The following TAF1 variants were observed in gnomAD, a reference collection of about 807,000 sequenced individuals.
TAF1 encodes transcription initiation factor TFIID subunit 1.
Under a neutral mutation model 138.5 loss-of-function variants are expected in TAF1, and 2 were observed. The observed-to-expected ratio is 0.01, with a 90% confidence interval of 0.01 to 0.05. The LOEUF is 0.05. TAF1 is among the 10% of genes least tolerant of loss of function. The probability of loss-of-function intolerance (pLI) is 1.00; values close to 1 mark genes in which losing one functional copy is unlikely to be tolerated. For missense variants in TAF1, 709 were observed against 1,478.0 expected (o/e 0.48, Z 8.53); for synonymous variants, 437 against 503.2 (o/e 0.87, Z 1.76).
chrX:71,494,165 G>A (rs185234206), intron 13 of TAF1, among the ~76,000 whole-genome samples: 8 of 111,665 alleles, frequency 7.2e-5, no homozygotes, highest in African/African-American at 2.0e-4. Flanking sequence ...GCTCATGCCT[G>A]CAATCCCAGC....
Position 71,382,015 on chromosome X carries a change from G to C in TAF1, c.1537+96G>C, listed in dbSNP as rs755435480. On this transcript the variant is annotated intron_variant, in intron 9 of 37. Transcript: ENST00000423759. ...AAATCAGAAGGGTTGGAGATGATTAGGACTAGAAACCTGTAGGTAGCGGCT... is the reference window on the plus strand; with the variant it reads ...AAATCAGAAGGGTTGGAGATGATTACGACTAGAAACCTGTAGGTAGCGGCT... 1.4e-3 allele frequency: 1,386 copies of C among 993,731 alleles called. 1 individual carries two copies. The highest frequency in any genetic ancestry group is 1.7e-3 in the Non-Finnish European group (1,290 of 762,493). The allele number at this position is 993,731 out of a possible 1,213,427, so 81.9% of individuals were successfully genotyped here.
In TAF1 at chrX:71,392,729, G is replaced by GT; in HGVS notation, c.2931+14dup. The GT allele has an allele frequency of 8.4e-7, 1 of 1,190,974 alleles. No homozygotes were observed. The highest frequency in any genetic ancestry group is 1.1e-6 in the Non-Finnish European group (1 of 886,220). On this transcript the variant is annotated intron_variant, in intron 19 of 37. Transcript: ENST00000423759. ...CCAACACAGCAGAAGGTGAGATTGTGTTTATTTCTAGAATGAAAAAGTCAA... is the reference window on the plus strand; with the variant it reads ...CCAACACAGCAGAAGGTGAGATTGTGTTTTATTTCTAGAATGAAAAAGTCAA...
At chrX:71,524,701 G>A (rs1321604901) in intron 13 of TAF1, among the ~76,000 whole-genome samples, 1 of 109,212 alleles carries the variant, frequency 9.2e-6, no homozygotes, top group African/African-American at 3.3e-5. Context: ...CCAGCACTTT[G>A]GGAGGCCAAG....
intron 33 of TAF1, 49 bp from the exon 34 acceptor site, chrX:71,454,692 C>A: frequency 9.2e-7 from 1 of 1,088,619 alleles, no homozygotes; most frequent in South Asian, 2.0e-5. Flanking sequence ...TTTTGTATCC[C>A]CAGTACTTAA....
intron 32 of TAF1, among the ~76,000 whole-genome samples, chrX:71,444,837 C>A (rs1205896023): frequency 9.1e-6 from 1 of 110,372 alleles, no homozygotes; most frequent in African/African-American, 3.3e-5. Flanking sequence ...GAGTTCATGC[C>A]ATTCTCCTGC....
chrX:71,462,854 A>G (rs2038610285), intron 37 of TAF1, among the ~76,000 whole-genome samples: 1 of 111,828 alleles, frequency 8.9e-6, no homozygotes, highest in South Asian at 3.7e-4. Flanking sequence ...CATCTAGGAA[A>G]TTATTTTATG....
At chrX:71,454,370 T>C (rs1031019125) in intron 33 of TAF1, 133 bp downstream of exon 33, 12 of 535,621 alleles carry the variant, frequency 2.2e-5, no homozygotes, top group Middle Eastern at 1.1e-3. Flanking sequence ...TCGTCTGAGG[T>C]AGGAGAATCA....
chrX:71,474,233 C>T (rs925315658), intron 13 of TAF1, among the ~76,000 whole-genome samples: 3 of 111,504 alleles, frequency 2.7e-5, no homozygotes, highest in African/African-American at 6.5e-5. Flanking sequence ...TGGACTTGAT[C>T]GTGATTGACA....
At chrX:71,375,053 G>A in intron 3 of TAF1, 114 bp from the exon 4 acceptor site, 1 of 1,020,504 alleles carries the variant, frequency 9.8e-7, no homozygotes, top group Admixed American at 3.0e-5. Flanking sequence ...TCCAGCCTGG[G>A]CGACAGAGCA....
At chrX:71,463,267 G>C (rs766761567) in intron 37 of TAF1, among the ~76,000 whole-genome samples, 1 of 109,958 alleles carries the variant, frequency 9.1e-6, no homozygotes, top group Non-Finnish European at 1.9e-5. Context: ...ACCAGTGAAC[G>C]TGCATTACTT....
chrX:71,457,939 C>T (rs1195461724), intron 34 of TAF1, among the ~76,000 whole-genome samples: 1 of 112,363 alleles, frequency 8.9e-6, no homozygotes, highest in Non-Finnish European at 1.9e-5. Flanking sequence ...AACCGAAAGA[C>T]AAGGCTTAGA....
intron 13 of TAF1, among the ~76,000 whole-genome samples, chrX:71,480,689 T>C (rs1445036471): frequency 2.7e-5 from 3 of 111,605 alleles, no homozygotes; most frequent in Admixed American, 9.6e-5. Context: ...ATAAGTACTA[T>C]AAAGAACACT....
chrX:71,459,741 A>G, intron 36 of TAF1, 33 bp downstream of exon 36: 1 of 1,204,725 alleles, frequency 8.3e-7, no homozygotes, highest in Non-Finnish European at 1.1e-6. Flanking sequence ...ATTCCTTTAT[A>G]ACTCACTACA....
chrX:71,483,486 C>T (rs1173273085), intron 13 of TAF1, among the ~76,000 whole-genome samples: 2 of 103,961 alleles, frequency 1.9e-5, no homozygotes, highest in Non-Finnish European at 3.9e-5. Flanking sequence ...ACTCAGGAGG[C>T]GGAGGTGGGA....
chrX:71,495,845 A>G (rs2039386350), intron 13 of TAF1, among the ~76,000 whole-genome samples: 1 of 112,067 alleles, frequency 8.9e-6, no homozygotes, highest in Non-Finnish European at 1.9e-5. Context: ...GGGCACTGAT[A>G]GGGTCTGATT....
rs1184845030 is a variant in TAF1 at position 71,390,826 on chromosome X, ACT to A, written c.2781+1164_2781+1165del. On this transcript the variant is annotated intron_variant, in intron 18 of 37. Coordinates refer to ENST00000423759, the MANE Select transcript of TAF1 (RefSeq NM_004606.5). ...GCCTGGCCAACATGGTGAAACCCTG[ACT>A]CTACTAAAAATACAAAATGAGCCGG... Among the ~76,000 whole-genome samples, 3 of 110,595 alleles carry A rather than the reference ACT, an allele frequency of 2.7e-5. No homozygotes were observed. The East Asian group carries it at 8.5e-4, about 31-fold the overall frequency.
rs1215797196 is a variant in TAF1, at chrX:71,465,036, C to A, written c.*990C>A. On this transcript the variant is annotated 3_prime_UTR_variant, in exon 38 of 38. Coordinates refer to ENST00000423759, the MANE Select transcript of TAF1 (RefSeq NM_004606.5). The stretch of plus-strand genomic sequence containing the variant: ...TTTCTTAGGGCAAAGACTGTGTCTT[C>A]TGTTTCTTTTCATGCTTAGGATATG... 1 of 97,134 alleles carries A rather than the reference C, an allele frequency of 1.0e-5. No individual in the cohort carries two copies. Among genetic ancestry groups the A allele is most frequent in the Non-Finnish European group, 2.0e-5 (1 of 49,315 alleles). The allele number at this position is 97,134 out of a possible 1,213,427, so 8.0% of individuals were successfully genotyped here.
At chrX:71,389,819 G>A (rs775891146) in intron 18 of TAF1, 154 bp downstream of exon 18, 19 of 391,942 alleles carry the variant, frequency 4.8e-5, no homozygotes, top group African/African-American at 1.6e-4. Flanking sequence ...AAAATGATGC[G>A]ATATATCAAA....
intron 26 of TAF1, 69 bp from the exon 27 acceptor site, chrX:71,407,505 A>C: frequency 1.0e-6 from 1 of 1,000,815 alleles, no homozygotes; most frequent in South Asian, 1.9e-5. Flanking sequence ...GGTGTGAGCT[A>C]CTGTGCCTGG....
Sources: allele counts gnomAD v4.1 joint callset (sites outside exome capture counted in the v4.1 genomes callset), GRCh38; gene constraint gnomAD v4.1.1; transcripts MANE v1.5; gene names NCBI Gene and HGNC (gene_info 2026-07-23, HGNC 2026-07-21).